Variants in TOPORS observed in about 807,000 individuals in gnomAD.
The protein encoded by TOPORS is E3 ubiquitin-protein ligase Topors.
TOPORS carries 25 observed loss-of-function variants against 81.4 expected under a neutral mutation model. The ratio of observed to expected loss-of-function variants is 0.31; its 90% CI spans 0.22 to 0.43. The LOEUF is 0.43. Ranked by LOEUF, TOPORS falls within the 20% of genes least tolerant of loss-of-function variation. TOPORS has a pLI of 1.00. For missense variants in TOPORS, 1,101 were observed against 1,267.0 expected (o/e 0.87, Z 1.99); for synonymous variants, 473 against 456.6 (o/e 1.04, Z -0.46).
Position 32,543,487 on chromosome 9 carries a change from ATT to A in TOPORS, c.1036_1037del (p.Asn346SerfsTer3). 6.2e-7 allele frequency: 1 copy of A among 1,613,862 alleles called. No homozygotes were observed. The highest frequency in any genetic ancestry group is 8.5e-7 in the Non-Finnish European group (1 of 1,180,036). The part of the protein sequence containing the change: ...FVSDLRPFLL[N>X]RTEHFIHEFI... ...ATTCATGTATAAAATGCTCAGTTCG[ATT>A]AAGTAAAAATGGTCTTAAATCAGAC... On this transcript the variant is annotated frameshift_variant, in exon 3 of 3. Transcript: ENST00000360538. LOFTEE classifies it high-confidence loss of function. The surrounding 1 kb of genome is among the most constrained non-coding windows in gnomAD (Gnocchi z 5.6).
chr9:32,551,879 A>C (rs1238897412), intron 1 of TOPORS: 7 of 400,370 alleles, frequency 1.7e-5, no homozygotes, highest in Non-Finnish European at 3.6e-5. Flanking sequence ...GGCTCGATTT[A>C]CAGGGGTTCC....
Position 32,541,662 on chromosome 9 carries a change from T to C in TOPORS, c.2863A>G (p.Ile955Val), listed in dbSNP as rs1313844237. 6.2e-7 allele frequency: 1 copy of C among 1,614,212 alleles called. No homozygotes were observed. Among genetic ancestry groups the C allele is most frequent in the East Asian group, 2.2e-5 (1 of 44,878 alleles). ...TCCAGCACACCAAATTCAGCTTCTA[T>C]TGTAACTACATCTTTAGTTTCAAAT... The part of the protein sequence containing the change: ...EPFETKDVVT[I>V]EAEFGVLDKE... The change falls in exon 3 of 3, where the codon ATA (isoleucine) becomes GTA (valine). Residue 955 changes from isoleucine to valine, a missense_variant. Physicochemically the swap from Ile to Val is conservative, Grantham distance 29 (BLOSUM62 3). Around this residue, in one of 9 missense-constraint regions of TOPORS, gnomAD observed 605 missense variants for 636.1 expected, o/e 0.95. Transcript: ENST00000360538.
intron 2 of TOPORS, among the ~76,000 whole-genome samples, chr9:32,545,578 T>C (rs768809990): frequency 5.3e-5 from 8 of 151,876 alleles, no homozygotes; most frequent in Non-Finnish European, 1.0e-4. Context: ...CTGGCCAACG[T>C]TGTGAAACCT....
At chr9:32,550,744 C>A (rs1821225516) in intron 2 of TOPORS, 30 bp downstream of exon 2, 3 of 1,612,024 alleles carry the variant, frequency 1.9e-6, no homozygotes, top group African/African-American at 1.3e-5. Flanking sequence ...CTTCCGACCC[C>A]CGCGTCCCAT....
At position 32,543,387 on chromosome 9, in the gene TOPORS, A is replaced by C; in HGVS notation, c.1138T>G (p.Ser380Ala). 6.2e-7 allele frequency: 1 copy of C among 1,614,058 alleles called. No individual in the cohort carries two copies. The highest frequency in any genetic ancestry group is 8.5e-7 in the Non-Finnish European group (1 of 1,179,936). Residue 380 changes from serine (S) to alanine (A), a missense_variant, in exon 3 of 3, where the codon TCA becomes GCA. This residue lies in a region of TOPORS where 103 missense variants were observed against 112.1 expected (regional missense o/e 0.92). Transcript: ENST00000360538. This position sits in a 1 kb window ranked among gnomAD's most constrained non-coding sequence, Gnocchi z 5.6. ...QHANYDCPAP[S>A]YEEGSHSDSS... ...TCAGAATGGCTGCCTTCTTCGTATG[A>C]AGGAGCAGGGCAATCATAATTGGCA...
Position 32,543,542 on chromosome 9 carries a change from C to T in TOPORS, c.983G>A (p.Arg328His), listed in dbSNP as rs1322611084. 3.1e-6 allele frequency: 5 copies of T among 1,613,734 alleles called. No homozygotes were observed. Among genetic ancestry groups the T allele is most frequent in the African/African-American group, 1.3e-5 (1 of 74,896 alleles). Residue 328 changes from arginine (R) to histidine (H), a missense_variant, in exon 3 of 3, where the codon CGC becomes CAC. By Grantham distance (29) the Arg-to-His change is conservative. This residue lies in a region of TOPORS where 69 missense variants were observed against 153.6 expected (regional missense o/e 0.45). Coordinates refer to ENST00000360538, the MANE Select transcript of TOPORS (RefSeq NM_005802.5). This position sits in a 1 kb window ranked among gnomAD's most constrained non-coding sequence, Gnocchi z 5.6. ...VQHIIMSNVTRYDLESQAFVS... is the reference protein window; with the variant it reads ...VQHIIMSNVTHYDLESQAFVS... ...AAATGCCTGACTCTCCAAGTCATAGCGAGTAACATTACTCATGATAATATG... is the reference window on the plus strand; with the variant it reads ...AAATGCCTGACTCTCCAAGTCATAGTGAGTAACATTACTCATGATAATATG...
At chr9:32,551,439 A>T in intron 1 of TOPORS, 1 of 304,632 alleles carries the variant, frequency 3.3e-6, no homozygotes, top group African/African-American at 2.2e-5. Flanking sequence ...CCAGTATCCT[A>T]TAAAGTCTTC....
chr9:32,542,038 TGAA>T lies in TOPORS; in HGVS notation c.2484_2486del (p.Ser830del), dbSNP rs750237658. The T allele has an allele frequency of 5.9e-5, 96 of 1,614,164 alleles. 1 individual carries two copies. The East Asian group carries it at 1.0e-3, about 17-fold the overall frequency. ...TTTTGTAGTTTCCATCCAATTTTGA[TGAA>T]GATTTTTGGTAATGACTGTCCTTTG... On this transcript the variant is annotated inframe_deletion, in exon 3 of 3. Coordinates refer to ENST00000360538, the MANE Select transcript of TOPORS (RefSeq NM_005802.5).
In TOPORS at chr9:32,550,538, G is replaced by C. The variant is rs374188870; in HGVS notation, c.198+236C>G. On this transcript the variant is annotated intron_variant, in intron 2 of 2. Transcript: ENST00000360538. ...TGAGACCAAGCTCTTTCCAGTACAC[G>C]GCCAGGCTCGCGCCCCTCGGGAGCG... is the stretch of plus-strand genomic sequence containing the variant. 5.0e-3 allele frequency among the ~76,000 whole-genome samples: 754 copies of C among 152,238 alleles called. 5 individuals carry two copies. The highest frequency in any genetic ancestry group is 0.017 in the African/African-American group (715 of 41,546).
chr9:32,549,318 A>C (rs929719132), intron 2 of TOPORS, among the ~76,000 whole-genome samples: 1 of 152,026 alleles, frequency 6.6e-6, no homozygotes, highest in African/African-American at 2.4e-5. Flanking sequence ...AAAAAAATAA[A>C]TCAATAAAAA....
In TOPORS at chr9:32,550,954, C is replaced by G. The variant is rs1350083887; in HGVS notation, c.18G>C (p.Pro6=). 6.2e-7 allele frequency: 1 copy of G among 1,611,052 alleles called. No homozygotes were observed. Among genetic ancestry groups the G allele is most frequent in the African/African-American group, 1.3e-5 (1 of 74,922 alleles). The change falls in exon 2 of 3, where the codon CCG becomes CCC. Residue 6 remains proline (P), a synonymous_variant. Transcript: ENST00000360538. ...CCTCGCGAGACAGCGGAGACCCCAG[C>G]GGCGGCTGCGACCCCTGTGACGCAA... MGSQP[P]LGSPLSREEG... is the part of the protein sequence containing the mutation.
Position 32,540,796 on chromosome 9 carries a change from T to A in TOPORS, c.*591A>T, listed in dbSNP as rs1821044918. On this transcript the variant is annotated 3_prime_UTR_variant, in exon 3 of 3. Transcript: ENST00000360538. ...TTCTTGTTTTAAAGTGTTACTGTTT[T>A]ATTTTTTTTCTTTTGTTGAATACAC... is the stretch of plus-strand genomic sequence containing the variant. 6.6e-6 allele frequency: 1 copy of A among 152,648 alleles called. No individual in the cohort carries two copies. The highest frequency in any genetic ancestry group is 2.1e-4 in the South Asian group (1 of 4,832). 9.5% of individuals were successfully genotyped at this position (152,648 alleles called of 1,614,324 possible).
At chr9:32,552,182 A>G in intron 1 of TOPORS, 5 of 597,312 alleles carry the variant, frequency 8.4e-6, no homozygotes. Flanking sequence ...GGCAAAAAAA[A>G]AAAAAAAAAA....
intron 2 of TOPORS, 34 bp from the exon 3 acceptor site, chr9:32,544,360 A>AT (rs1563984681): frequency 1.3e-6 from 2 of 1,589,136 alleles, no homozygotes; most frequent in Non-Finnish European, 8.5e-7. Context: ...CAGTAACCTG[A>AT]TAATAGAGGA....
Position 32,543,124 on chromosome 9 carries a change from T to G in TOPORS, c.1401A>C (p.Leu467=). 6.2e-7 allele frequency: 1 copy of G among 1,614,146 alleles called. No individual in the cohort carries two copies. The highest frequency in any genetic ancestry group is 8.5e-7 in the Non-Finnish European group (1 of 1,180,032). Residue 467 remains leucine, a synonymous_variant, in exon 3 of 3, where the codon CTA becomes CTC. Transcript: ENST00000360538. The surrounding 1 kb of genome is among the most constrained non-coding windows in gnomAD (Gnocchi z 5.6). ...CTGAAGAATCATCACTGTCATTATT[T>G]AGGTCGTCATTGGTTTGTACTCCTT... ...QIQGVQTNDD[L]NNDSDDSSDN...
Position 32,540,757 on chromosome 9 carries a change from AG to A in TOPORS, c.*629del, listed in dbSNP as rs1821044356. 6.6e-6 allele frequency: 1 copy of A among 152,664 alleles called. No homozygotes were observed. Among genetic ancestry groups the A allele is most frequent in the African/African-American group, 2.4e-5 (1 of 41,464 alleles). 9.5% of individuals were successfully genotyped at this position (152,664 alleles called of 1,614,324 possible). ...TAAACTTTAAAAAAAAATACTGCAT[AG>A]GAAAATGTCTGATTCTTGTTTTAAA... On this transcript the variant is annotated 3_prime_UTR_variant, in exon 3 of 3. Transcript: ENST00000360538.
At position 32,541,163 on chromosome 9, in the gene TOPORS, G is replaced by T; in HGVS notation, c.*224C>A. The T allele has an allele frequency of 2.3e-6, 1 of 437,438 alleles. No individual in the cohort carries two copies. The highest frequency in any genetic ancestry group is 4.1e-6 in the Non-Finnish European group (1 of 243,440). The allele number at this position is 437,438 out of a possible 1,614,324, so 27.1% of individuals were successfully genotyped here. A position where few individuals can be genotyped will look rare whatever the true frequency, so the allele number is the denominator to read the frequency against. ...CCAAGTTTTAAATAAGCTGCTAGCAGTATCATTTTCTTCACTTAAAAGTGC... is the reference window on the plus strand; with the variant it reads ...CCAAGTTTTAAATAAGCTGCTAGCATTATCATTTTCTTCACTTAAAAGTGC... On this transcript the variant is annotated 3_prime_UTR_variant, in exon 3 of 3. Transcript: ENST00000360538.
intron 1 of TOPORS, 171 bp from the exon 2 acceptor site, chr9:32,551,139 C>T: frequency 1.3e-6 from 1 of 781,750 alleles, no homozygotes; most frequent in South Asian, 1.7e-5. Flanking sequence ...AAATGCGGCC[C>T]CTCCCCCGCC....
Position 32,550,802 on chromosome 9 carries a change from G to T in TOPORS, c.170C>A (p.Pro57Gln), listed in dbSNP as rs773650423. 1 of 1,612,548 alleles carries T rather than the reference G, an allele frequency of 6.2e-7. No homozygotes were observed. The highest frequency in any genetic ancestry group is 8.5e-7 in the Non-Finnish European group (1 of 1,179,690). The change falls in exon 2 of 3, where the codon CCA becomes CAA. Residue 57 changes from proline to glutamine, a missense_variant. Around this residue, in one of 9 missense-constraint regions of TOPORS, gnomAD observed 131 missense variants for 101.0 expected, o/e 1.30. Coordinates refer to ENST00000360538, the MANE Select transcript of TOPORS (RefSeq NM_005802.5). The stretch of plus-strand genomic sequence containing the variant: ...GGAGGATGCCGGCGCAGGCCTGGCT[G>T]GGGCGCTCGCCGCGAGCTCCCGGCA... ...LGCRELAASA[P>Q]ARPAPASSEI...
Sources: gnomAD v4.1 joint callset for allele counts (sites outside exome capture counted in the v4.1 genomes callset) on GRCh38, gnomAD v4.1.1 for gene constraint, gnomAD v4.1.1 regional missense constraint, Gnocchi (gnomAD v3.1) non-coding constraint, MANE v1.5 for transcripts, NCBI Gene and HGNC (gene_info 2026-07-23, HGNC 2026-07-21) for gene names.